The following SLC35D4 variants were observed in gnomAD, a reference collection of about 807,000 sequenced individuals.
The protein encoded by SLC35D4 is solute carrier family 35 member D4.
chr18:23,382,482 C>T, the SLC35D4 span, among the ~76,000 whole-genome samples: 2 of 151,734 alleles, frequency 1.3e-5, no homozygotes, highest in African/African-American at 2.4e-5. Flanking sequence ...GCCTGAGACA[C>T]GGGGAAAATC....
the SLC35D4 span, among the ~76,000 whole-genome samples, chr18:23,243,468 G>GTTTTTTTTTTTTTTTT: frequency 9.8e-6 from 1 of 101,874 alleles, no homozygotes; most frequent in Non-Finnish European, 2.0e-5. Flanking sequence ...TGGGTTTGGT[G>GTTTTTTTTTTTTTTTT]TTTTTTTTTT....
chr18:23,376,568 C>A, the SLC35D4 span, among the ~76,000 whole-genome samples: 3 of 152,218 alleles, frequency 2.0e-5, no homozygotes, highest in Non-Finnish European at 4.4e-5. Context: ...GGAGAAGAGA[C>A]TGTCAGGGGA....
chr18:23,247,380 A>G, the SLC35D4 span, among the ~76,000 whole-genome samples: 4 of 152,224 alleles, frequency 2.6e-5, no homozygotes, highest in Non-Finnish European at 4.4e-5. Flanking sequence ...TCCAGTTTCC[A>G]TACTCTGAAC....
At chr18:23,395,605 A>G in the SLC35D4 span, among the ~76,000 whole-genome samples, 1 of 152,258 alleles carries the variant, frequency 6.6e-6, no homozygotes, top group Non-Finnish European at 1.5e-5. Flanking sequence ...CAAATTGCCA[A>G]TGCCAGGATG....
At chr18:23,360,891 CAA>C in the SLC35D4 span, among the ~76,000 whole-genome samples, 1 of 151,940 alleles carries the variant, frequency 6.6e-6, no homozygotes. Context: ...CACTTGAGGT[CAA>C]GAGTTCAAGA....
the SLC35D4 span, among the ~76,000 whole-genome samples, chr18:23,378,847 ATG>A: frequency 2.3e-5 from 2 of 85,812 alleles, no homozygotes; most frequent in East Asian, 5.4e-4. Context: ...CAAGAGAAAC[ATG>A]TGGCTTACTA....
chr18:23,317,557 A>C, the SLC35D4 span, among the ~76,000 whole-genome samples: 2 of 152,230 alleles, frequency 1.3e-5, no homozygotes, highest in Non-Finnish European at 2.9e-5. Flanking sequence ...CCATGCACAC[A>C]GAAATACATG....
chr18:23,414,991 A>G, the SLC35D4 span, among the ~76,000 whole-genome samples: 2 of 152,138 alleles, frequency 1.3e-5, no homozygotes, highest in Non-Finnish European at 2.9e-5. Flanking sequence ...TCACACCTAT[A>G]GTTTCAGCTA....
the SLC35D4 span, among the ~76,000 whole-genome samples, chr18:23,434,131 G>C: frequency 2.6e-5 from 4 of 152,082 alleles, no homozygotes; most frequent in Admixed American, 6.6e-5. Flanking sequence ...GGCCATAAAA[G>C]GTTCAAGCTT....
the SLC35D4 span, among the ~76,000 whole-genome samples, chr18:23,316,013 C>T: frequency 1.8e-4 from 28 of 152,308 alleles, no homozygotes; most frequent in African/African-American, 5.8e-4. Context: ...GGAGCTTGCG[C>T]GAAATGCAGA....
the SLC35D4 span, chr18:23,377,740 T>A: frequency 7.3e-7 from 1 of 1,378,790 alleles, no homozygotes; most frequent in Non-Finnish European, 9.6e-7. Context: ...AAAGGAAACA[T>A]TTTGATCAAG....
the SLC35D4 span, chr18:23,430,612 G>A: frequency 5.7e-6 from 9 of 1,591,272 alleles, no homozygotes; most frequent in Non-Finnish European, 7.7e-6. Context: ...TGTATATAAA[G>A]AGCAAAGAAG....
the SLC35D4 span, among the ~76,000 whole-genome samples, chr18:23,321,408 C>T: frequency 6.6e-6 from 1 of 152,094 alleles, no homozygotes; most frequent in Non-Finnish European, 1.5e-5. Context: ...CCAGGCTCAG[C>T]CAACCACTAT....
the SLC35D4 span, among the ~76,000 whole-genome samples, chr18:23,411,401 G>C: frequency 6.7e-6 from 1 of 150,174 alleles, no homozygotes; most frequent in African/African-American, 2.5e-5. Context: ...AAGGCAGAGA[G>C]AAGGGAATGG....
At chr18:23,399,476 C>T in the SLC35D4 span, 2 of 1,153,452 alleles carry the variant, frequency 1.7e-6, no homozygotes, top group Non-Finnish European at 2.6e-6. Flanking sequence ...TAAAGTGATT[C>T]TTTGCCCTTA....
At chr18:23,263,211 A>G in the SLC35D4 span, among the ~76,000 whole-genome samples, 1 of 152,234 alleles carries the variant, frequency 6.6e-6, no homozygotes, top group Non-Finnish European at 1.5e-5. Flanking sequence ...TTAGAATGAA[A>G]CAGAGCCACT....
At chr18:23,281,011 A>G in the SLC35D4 span, among the ~76,000 whole-genome samples, 1 of 152,036 alleles carries the variant, frequency 6.6e-6, no homozygotes, top group Non-Finnish European at 1.5e-5. Context: ...CCACTTAAAA[A>G]CCTCAGCCTA....
the SLC35D4 span, among the ~76,000 whole-genome samples, chr18:23,407,727 TA>T: frequency 9.9e-5 from 15 of 152,210 alleles, no homozygotes; most frequent in African/African-American, 3.6e-4. Flanking sequence ...TTTTAAAAGT[TA>T]TATCCAATAG....
At chr18:23,241,307 G>GA in the SLC35D4 span, among the ~76,000 whole-genome samples, 4 of 151,992 alleles carry the variant, frequency 2.6e-5, no homozygotes, top group African/African-American at 9.7e-5. Context: ...AAGGTGGGGG[G>GA]ATCACTTGAG....
Sources: gnomAD v4.1 joint callset for allele counts (sites outside exome capture counted in the v4.1 genomes callset) on GRCh38, gnomAD v4.1.1 for gene constraint, MANE v1.5 for transcripts, NCBI Gene and HGNC (gene_info 2026-07-23, HGNC 2026-07-21) for gene names.